The following C5orf58 variants were observed in gnomAD, a reference collection of about 807,000 sequenced individuals.
C5orf58 encodes putative uncharacterized protein C5orf58.
Under a neutral mutation model 2.9 loss-of-function variants are expected in C5orf58, and 2 were observed. The observed-to-expected ratio is 0.69, with a 90% CI of 0.28 to 2.18. The LOEUF is 2.18. Ranked by LOEUF, C5orf58 falls within the 30% of genes most tolerant of loss-of-function variation. C5orf58 has a pLI of 0.13. For missense variants in C5orf58, 96 were observed against 91.7 expected (o/e 1.05, Z -0.19); for synonymous variants, 37 against 33.4 (o/e 1.11, Z -0.37).
At chr5:170,248,816 A>G, downstream of C5orf58, 2 of 1,612,374 alleles carry the variant, frequency 1.2e-6, no homozygotes, top group Non-Finnish European at 1.7e-6. Context: ...ACAGACAGAA[A>G]GTCCTGAAAG....
rs1165145868 is a variant in C5orf58 at position 170,244,292 on chromosome 5, G to A, written c.95-1670G>A. ...TCTTCTCGAGGAGTATCTTTGTGGC[G>A]TTCTCTGTATTTCCTGAATCTGAAC... On this transcript the variant is annotated intron_variant, in intron 3 of 3. Coordinates refer to ENST00000593851, the MANE Select transcript of C5orf58 (RefSeq NM_001102609.3). 7.6e-4 allele frequency among the ~76,000 whole-genome samples: 113 copies of A among 149,644 alleles called. 1 individual carries two copies. The highest frequency in any genetic ancestry group is 2.1e-3 in the African/African-American group (84 of 40,490).
intron 3 of C5orf58, among the ~76,000 whole-genome samples, chr5:170,239,189 C>A (rs890248598): frequency 2.0e-5 from 3 of 152,110 alleles, no homozygotes; most frequent in Admixed American, 1.3e-4. Flanking sequence ...AATGCAAAAA[C>A]CCAATTATTA....
intron 3 of C5orf58, among the ~76,000 whole-genome samples, chr5:170,236,869 C>T (rs1760763301): frequency 6.6e-6 from 1 of 152,196 alleles, no homozygotes; most frequent in Non-Finnish European, 1.5e-5. Context: ...ACCTGTTATA[C>T]TATTTTATAA....
At position 170,246,029 on chromosome 5, in the gene C5orf58, A is replaced by T; in HGVS notation, c.162A>T (p.Leu54Phe). 1 of 1,613,706 alleles carries T rather than the reference A, an allele frequency of 6.2e-7. No homozygotes were observed. The highest frequency in any genetic ancestry group is 8.5e-7 in the Non-Finnish European group (1 of 1,179,664). The change falls in exon 4 of 4, where the codon TTA (leucine) becomes TTT (phenylalanine). Residue 54 changes from leucine (L) to phenylalanine (F), a missense_variant. Coordinates refer to ENST00000593851, the MANE Select transcript of C5orf58 (RefSeq NM_001102609.3). Reference protein sequence around the residue: ...HFNHPIKTENLAEAERNNPLF... With the variant: ...HFNHPIKTENFAEAERNNPLF... ...ATCATCCCATCAAGACTGAGAACTT[A>T]GCAGAAGCAGAAAGAAACAACCCCC...
chr5:170,237,262 C>T (rs1296158399), intron 3 of C5orf58: 5 of 398,214 alleles, frequency 1.3e-5, no homozygotes, highest in East Asian at 1.1e-4. Flanking sequence ...CACTTCCTCC[C>T]CTAAATAGTA....
At chr5:170,251,107 T>C (rs940124632), downstream of C5orf58, 2 of 458,528 alleles carry the variant, frequency 4.4e-6, no homozygotes, top group East Asian at 7.6e-5. Flanking sequence ...CAACAGAGAT[T>C]GTATCAAAGA....
chr5:170,234,104 A>G lies in C5orf58; in HGVS notation c.-84-11A>G, dbSNP rs746325556. The G allele has an allele frequency of 1.5e-6, 2 of 1,363,436 alleles. No homozygotes were observed. Among genetic ancestry groups the G allele is most frequent in the East Asian group, 9.1e-5 (2 of 21,952 alleles). The allele number at this position is 1,363,436 out of a possible 1,614,324, so 84.5% of individuals were successfully genotyped here. On this transcript the variant is annotated splice_polypyrimidine_tract_variant and intron_variant, in intron 1 of 3. Coordinates refer to ENST00000593851, the MANE Select transcript of C5orf58 (RefSeq NM_001102609.3). ...AAGCGCATTTTATTAATGTCTGGGAAACAAAATTAGTTTTTTTACAGTGGC... is the reference window on the plus strand; with the variant it reads ...AAGCGCATTTTATTAATGTCTGGGAGACAAAATTAGTTTTTTTACAGTGGC...
intron 3 of C5orf58, among the ~76,000 whole-genome samples, chr5:170,239,201 C>T (rs1180464768): frequency 6.6e-6 from 1 of 152,096 alleles, no homozygotes; most frequent in Non-Finnish European, 1.5e-5. Flanking sequence ...CAATTATTAC[C>T]TCTGGTGGGT....
At chr5:170,252,366 G>A, downstream of C5orf58, 1 of 893,766 alleles carries the variant, frequency 1.1e-6, no homozygotes, top group East Asian at 2.6e-5. Flanking sequence ...TTGGTACTCA[G>A]GACAGGTCAG....
At chr5:170,251,146 C>G (rs1400351503), downstream of C5orf58, 2 of 366,490 alleles carry the variant, frequency 5.5e-6, no homozygotes, top group Non-Finnish European at 9.9e-6. Context: ...GTTAAAGCCT[C>G]CTGATAAAAA....
downstream of C5orf58, among the ~76,000 whole-genome samples, chr5:170,249,007 C>G (rs994592046): frequency 2.6e-5 from 4 of 152,114 alleles, no homozygotes; most frequent in Admixed American, 2.6e-4. Context: ...TCCTCATAAA[C>G]ATCCAACAAA....
intron 3 of C5orf58, among the ~76,000 whole-genome samples, chr5:170,244,187 C>A (rs1385148924): frequency 2.0e-5 from 3 of 147,558 alleles, no homozygotes; most frequent in African/African-American, 7.5e-5. Flanking sequence ...GGTAACCCGA[C>A]CTTTCTCTCT....
chr5:170,233,728 G>A (rs1760619238), intron 1 of C5orf58: 1 of 177,332 alleles, frequency 5.6e-6, no homozygotes, highest in Non-Finnish European at 1.2e-5. Context: ...TAGTGGCCTG[G>A]CCGAGCTCCC....
At chr5:170,247,881 T>C (rs534810453), downstream of C5orf58, 1 of 152,460 alleles carries the variant, frequency 6.6e-6, no homozygotes, top group South Asian at 2.1e-4. Flanking sequence ...GGGGCTGTGA[T>C]GGTTGGTGTG....
exon 3 of C5orf58, chr5:170,251,689 T>A (rs756005507): frequency 2.2e-6 from 1 of 455,810 alleles, no homozygotes. Context: ...ACAAACATAC[T>A]TCTGGACCAG....
chr5:170,242,896 C>G (rs1430710341), intron 3 of C5orf58, among the ~76,000 whole-genome samples: 1 of 145,730 alleles, frequency 6.9e-6, no homozygotes, highest in Non-Finnish European at 1.5e-5. Context: ...ATCTTTCCTG[C>G]TTTCTCTTGT....
chr5:170,247,202 C>G (rs1002371151), downstream of C5orf58: 1 of 152,086 alleles, frequency 6.6e-6, no homozygotes, highest in Non-Finnish European at 1.5e-5. Context: ...CTGAATAGCC[C>G]GTTGTGTAGA....
chr5:170,250,986 C>G (rs1238692082), downstream of C5orf58: 1 of 898,466 alleles, frequency 1.1e-6, no homozygotes, highest in African/African-American at 1.7e-5. Flanking sequence ...ACAAACATGT[C>G]AGTTGCACTT....
intron 3 of C5orf58, chr5:170,237,147 G>A (rs1273511027): frequency 2.5e-6 from 1 of 396,324 alleles, no homozygotes; most frequent in South Asian, 1.3e-4. Flanking sequence ...TTGAGACATT[G>A]TATGGGTAGG....
Sources: gnomAD v4.1 joint callset for allele counts (sites outside exome capture counted in the v4.1 genomes callset) on GRCh38, gnomAD v4.1.1 for gene constraint, MANE v1.5 for transcripts, NCBI Gene and HGNC (gene_info 2026-07-23, HGNC 2026-07-21) for gene names.